SH3BGR: variants seen among roughly 807,000 people sequenced by gnomAD.
SH3BGR encodes SH3 domain binding glutamate rich protein.
SH3BGR carries 29 observed loss-of-function variants against 24.5 expected under a neutral mutation model. The observed-to-expected ratio is 1.18, with a 90% CI of 0.88 to 1.61. The LOEUF is 1.61. Ranked by LOEUF, SH3BGR falls within the 40% of genes most tolerant of loss-of-function variation. SH3BGR has a pLI of 0.00. For missense variants in SH3BGR, 162 were observed against 205.8 expected (o/e 0.79, Z 1.30); for synonymous variants, 55 against 65.7 (o/e 0.84, Z 0.79).
intron 2 of SH3BGR, among the ~76,000 whole-genome samples, chr21:39,469,247 G>A (rs1011044673): frequency 1.3e-4 from 20 of 149,336 alleles, no homozygotes; most frequent in African/African-American, 4.4e-4. Flanking sequence ...ATATTCTTAA[G>A]ACCTGTTTAA....
upstream of SH3BGR, among the ~76,000 whole-genome samples, chr21:39,449,376 C>G (rs1263091025): frequency 6.6e-6 from 1 of 152,168 alleles, no homozygotes; most frequent in Non-Finnish European, 1.5e-5. Flanking sequence ...TCTTTGTGAA[C>G]AGACATAAAC....
At chr21:39,446,167 ATTTTTTT>A (rs68020840) in intron 1 of SH3BGR, 13 of 146,632 alleles carry the variant, frequency 8.9e-5, no homozygotes, top group Non-Finnish European at 1.5e-4. Flanking sequence ...CATAAAGACG[ATTTTTTT>A]TTTTTTTTTG....
intron 3 of SH3BGR, among the ~76,000 whole-genome samples, chr21:39,484,785 G>C (rs2078183266): frequency 6.6e-6 from 1 of 152,206 alleles, no homozygotes; most frequent in South Asian, 2.1e-4. Flanking sequence ...TGTCAGCATT[G>C]CTTAGGTTGA....
intron 3 of SH3BGR, among the ~76,000 whole-genome samples, chr21:39,477,674 G>A (rs1225532969): frequency 6.6e-6 from 1 of 152,084 alleles, no homozygotes; most frequent in Non-Finnish European, 1.5e-5. Context: ...GCTGCACTGT[G>A]GTGGACCAGC....
intron 3 of SH3BGR, chr21:39,488,725 A>T: frequency 1.1e-5 from 5 of 459,416 alleles, no homozygotes; most frequent in Non-Finnish European, 2.2e-5. Flanking sequence ...AGAAGTAGAG[A>T]TGCTGGCGGC....
chr21:39,446,609 A>G (rs2077477101), intron 1 of SH3BGR, among the ~76,000 whole-genome samples: 1 of 152,150 alleles, frequency 6.6e-6, no homozygotes, highest in Non-Finnish European at 1.5e-5. Flanking sequence ...AAAAATTGGC[A>G]TCTTTAATTG....
intron 1 of SH3BGR, among the ~76,000 whole-genome samples, chr21:39,455,019 C>T (rs2077632309): frequency 6.6e-6 from 1 of 152,212 alleles, no homozygotes; most frequent in Non-Finnish European, 1.5e-5. Flanking sequence ...AGCAGCCTTC[C>T]AAGCTAGGAT....
intron 3 of SH3BGR, among the ~76,000 whole-genome samples, chr21:39,491,174 A>G (rs1259948055): frequency 1.3e-5 from 2 of 150,586 alleles, no homozygotes; most frequent in African/African-American, 4.9e-5. Flanking sequence ...TTATTTATTT[A>G]TTTATTTTAT....
intron 3 of SH3BGR, among the ~76,000 whole-genome samples, chr21:39,489,750 A>C (rs7280971): frequency 6.6e-6 from 1 of 152,070 alleles, no homozygotes; most frequent in Non-Finnish European, 1.5e-5. Context: ...ATAGTATGCC[A>C]GGGCTACATT....
intron 4 of SH3BGR, among the ~76,000 whole-genome samples, chr21:39,502,640 G>T (rs566896358): frequency 6.6e-6 from 1 of 152,202 alleles, no homozygotes; most frequent in Admixed American, 6.5e-5. Flanking sequence ...AGCTGGGTGG[G>T]GTGTTTTGAA....
intron 1 of SH3BGR, among the ~76,000 whole-genome samples, chr21:39,459,560 T>A (rs1238276936): frequency 2.6e-5 from 4 of 151,054 alleles, no homozygotes; most frequent in Non-Finnish European, 5.9e-5. Flanking sequence ...TCTGACAGGG[T>A]CTTGTTCTAT....
intron 2 of SH3BGR, among the ~76,000 whole-genome samples, chr21:39,472,397 C>G (rs2077955848): frequency 6.6e-6 from 1 of 152,144 alleles, no homozygotes; most frequent in Non-Finnish European, 1.5e-5. Context: ...CTTATGGCCT[C>G]AACAGCTCCC....
intron 1 of SH3BGR, among the ~76,000 whole-genome samples, chr21:39,454,499 G>A (rs1326575567): frequency 6.6e-6 from 1 of 152,182 alleles, no homozygotes; most frequent in Non-Finnish European, 1.5e-5. Flanking sequence ...AAGAGACCCT[G>A]GGGAGCAGGA....
At chr21:39,473,279 A>C (rs757220532) in intron 2 of SH3BGR, among the ~76,000 whole-genome samples, 1 of 152,180 alleles carries the variant, frequency 6.6e-6, no homozygotes, top group Non-Finnish European at 1.5e-5. Context: ...CCAACTAAAG[A>C]AGTTTTCAGA....
intron 3 of SH3BGR, among the ~76,000 whole-genome samples, chr21:39,484,806 T>C (rs1333340380): frequency 6.6e-6 from 1 of 152,228 alleles, no homozygotes; most frequent in Non-Finnish European, 1.5e-5. Flanking sequence ...TAGGTGTTTA[T>C]ACTGTGCGCA....
intron 1 of SH3BGR, among the ~76,000 whole-genome samples, chr21:39,459,644 C>G (rs2077722400): frequency 6.6e-6 from 1 of 151,958 alleles, no homozygotes; most frequent in Non-Finnish European, 1.5e-5. Flanking sequence ...GTGATCTTCC[C>G]ACCTCTTGAG....
intron 1 of SH3BGR, among the ~76,000 whole-genome samples, chr21:39,457,818 G>A (rs959065453): frequency 1.3e-5 from 2 of 151,900 alleles, no homozygotes; most frequent in Non-Finnish European, 2.9e-5. Context: ...CAGCTATTCG[G>A]GAGGCTGAGG....
chr21:39,464,753 C>T (rs1006866578), intron 2 of SH3BGR, among the ~76,000 whole-genome samples: 1 of 152,148 alleles, frequency 6.6e-6, no homozygotes, highest in African/African-American at 2.4e-5. Flanking sequence ...TCCTGTCCTA[C>T]CCACATCTTC....
Position 39,511,200 on chromosome 21 carries a change from G to A in SH3BGR, c.436-480G>A, listed in dbSNP as rs1214260359. ...GTATATGGTGTGTGGTGTGTTTGGT[G>A]TGTGTGTGTGTGATGTGTGTTATGG... On this transcript the variant is annotated intron_variant, in intron 5 of 6. Transcript: ENST00000333634. This position sits in a 1 kb window ranked among gnomAD's most constrained non-coding sequence, Gnocchi z 4.2. Among the ~76,000 whole-genome samples the A allele has an allele frequency of 6.6e-6, 1 of 150,420 alleles. No homozygotes were observed. Among genetic ancestry groups the A allele is most frequent in the African/African-American group, 2.4e-5 (1 of 40,992 alleles).
Sources: allele counts gnomAD v4.1 joint callset (sites outside exome capture counted in the v4.1 genomes callset), GRCh38; gene constraint gnomAD v4.1.1; non-coding constraint Gnocchi (gnomAD v3.1); transcripts MANE v1.5; gene names NCBI Gene and HGNC (gene_info 2026-07-23, HGNC 2026-07-21).